Variants in RBMS3 observed in about 807,000 individuals in gnomAD.
RBMS3 encodes the protein RNA binding motif single stranded interacting protein 3.
Under a neutral mutation model 66.8 loss-of-function variants are expected in RBMS3, and 27 were observed. That is an observed-to-expected ratio of 0.40 (90% CI 0.30 to 0.56). The LOEUF is 0.56. Ranked by LOEUF, RBMS3 falls within the 20% of genes least tolerant of loss-of-function variation. The probability of loss-of-function intolerance (pLI) is 0.40; values close to 1 mark genes in which losing one functional copy is unlikely to be tolerated. For missense variants in RBMS3, 513 were observed against 549.5 expected, an observed-to-expected ratio of 0.93 and a Z score of 0.66; for synonymous variants, 188 against 183.0, an observed-to-expected ratio of 1.03 and a Z score of -0.22.
chr3:29,662,098 T>C (rs190829296), intron 4 of RBMS3, among the ~76,000 whole-genome samples: 2 of 152,308 alleles, frequency 1.3e-5, no homozygotes, highest in East Asian at 3.9e-4. Context: ...GGAGGAAAAA[T>C]AGTCTGTACT....
intron 1 of RBMS3, among the ~76,000 whole-genome samples, chr3:29,401,999 G>A (rs1048621622): frequency 5.3e-5 from 8 of 152,026 alleles, no homozygotes; most frequent in Admixed American, 2.0e-4. Flanking sequence ...TGCCGATACT[G>A]TAATTTAGAT....
intron 2 of RBMS3, among the ~76,000 whole-genome samples, chr3:29,459,589 A>G (rs946237984): frequency 6.6e-6 from 1 of 152,188 alleles, no homozygotes; most frequent in Non-Finnish European, 1.5e-5. Context: ...AAAACTTGCT[A>G]ATCATCAGCT....
At chr3:29,390,971 T>C (rs62235725) in intron 1 of RBMS3, 39,091 of 265,570 alleles carry the variant, frequency 0.15, 3,308 homozygotes, top group Non-Finnish European at 0.18. Context: ...GTCACAGTCT[T>C]AGACAAAAGC....
intron 4 of RBMS3, among the ~76,000 whole-genome samples, chr3:29,726,235 A>C (rs1441616632): frequency 6.6e-6 from 1 of 152,126 alleles, no homozygotes; most frequent in African/African-American, 2.4e-5. Flanking sequence ...ATTTATGACA[A>C]ACCCGTAGCC....
rs180965918 is a variant in RBMS3 at position 29,676,263 on chromosome 3, C to T, written c.400-63457C>T. Among the ~76,000 whole-genome samples, 383 of 151,956 alleles carry T rather than the reference C, an allele frequency of 2.5e-3. 3 individuals are homozygous for T. The highest frequency in any genetic ancestry group is 8.6e-3 in the African/African-American group (356 of 41,430). On this transcript the variant is annotated intron_variant, in intron 4 of 14. Coordinates refer to ENST00000383767, the MANE Select transcript of RBMS3 (RefSeq NM_001003793.3). ...ACACAGGGTGGGGAGCATCACATAC[C>T]GGGGCCTGTCGTGGAGTGGGGGAAG...
At chr3:29,515,933 A>G (rs1037982242) in intron 3 of RBMS3, among the ~76,000 whole-genome samples, 1 of 152,196 alleles carries the variant, frequency 6.6e-6, no homozygotes, top group African/African-American at 2.4e-5. Flanking sequence ...TAGTTTTTAT[A>G]CCTAGGCACA....
chr3:29,638,979 A>C (rs1184726568), intron 4 of RBMS3, among the ~76,000 whole-genome samples: 3 of 151,854 alleles, frequency 2.0e-5, no homozygotes, highest in African/African-American at 7.3e-5. Context: ...TGTGAATCAT[A>C]ATAATCCTTT....
chr3:29,925,658 A>T (rs1488820714), intron 10 of RBMS3, among the ~76,000 whole-genome samples: 1 of 152,162 alleles, frequency 6.6e-6, no homozygotes, highest in African/African-American at 2.4e-5. Flanking sequence ...TGTAATAGAA[A>T]ATTCACTCAG....
intron 5 of RBMS3, among the ~76,000 whole-genome samples, chr3:29,759,798 T>A (rs2055585194): frequency 2.0e-5 from 3 of 152,102 alleles, no homozygotes; most frequent in Non-Finnish European, 4.4e-5. Flanking sequence ...CCTTTTCCCC[T>A]TGGCAGCTCC....
intron 2 of RBMS3, among the ~76,000 whole-genome samples, chr3:29,439,245 G>C (rs1398447028): frequency 6.6e-6 from 1 of 152,052 alleles, no homozygotes; most frequent in Non-Finnish European, 1.5e-5. Flanking sequence ...GAACAATGGA[G>C]GAAATCATTG....
chr3:29,799,411 C>T (rs1305898239), intron 6 of RBMS3, among the ~76,000 whole-genome samples: 1 of 152,112 alleles, frequency 6.6e-6, no homozygotes, highest in African/African-American at 2.4e-5. Context: ...TAAACATTCC[C>T]TACAACTTTT....
intron 1 of RBMS3, among the ~76,000 whole-genome samples, chr3:29,430,628 G>A (rs889355815): frequency 6.6e-6 from 1 of 152,156 alleles, no homozygotes; most frequent in East Asian, 1.9e-4. Flanking sequence ...AGAGCCCTAG[G>A]GGGGAAAAGA....
intron 1 of RBMS3, among the ~76,000 whole-genome samples, chr3:29,282,461 G>A (rs2031889684): frequency 6.6e-6 from 1 of 152,046 alleles, no homozygotes; most frequent in Non-Finnish European, 1.5e-5. Context: ...GACTTGAATT[G>A]GTTAAATACT....
At chr3:29,976,345 T>C (rs1183820176) in intron 12 of RBMS3, among the ~76,000 whole-genome samples, 1 of 152,106 alleles carries the variant, frequency 6.6e-6, no homozygotes, top group Non-Finnish European at 1.5e-5. Flanking sequence ...TATATCCTGC[T>C]CTGTATTCAC....
intron 2 of RBMS3, among the ~76,000 whole-genome samples, chr3:29,445,182 C>G (rs2041778826): frequency 6.6e-6 from 1 of 151,810 alleles, no homozygotes; most frequent in Non-Finnish European, 1.5e-5. Context: ...AAAACTTGTT[C>G]TAAGGTAGAG....
intron 1 of RBMS3, among the ~76,000 whole-genome samples, chr3:29,416,985 G>C (rs990874713): frequency 6.6e-6 from 1 of 152,060 alleles, no homozygotes; most frequent in African/African-American, 2.4e-5. Flanking sequence ...AGAAAAAAAA[G>C]TGCCTATCAG....
At chr3:29,549,423 G>A (rs1414919489) in intron 3 of RBMS3, among the ~76,000 whole-genome samples, 6 of 146,446 alleles carry the variant, frequency 4.1e-5, no homozygotes, top group Non-Finnish European at 6.0e-5. Context: ...TTTCTGAGAC[G>A]GAATCTCACT....
intron 4 of RBMS3, among the ~76,000 whole-genome samples, chr3:29,622,148 A>T (rs1033044270): frequency 6.6e-6 from 1 of 152,216 alleles, no homozygotes; most frequent in East Asian, 1.9e-4. Context: ...ACAAATATTT[A>T]TTATAATTTA....
intron 4 of RBMS3, among the ~76,000 whole-genome samples, chr3:29,622,657 G>A (rs1448710893): frequency 6.6e-6 from 1 of 152,182 alleles, no homozygotes; most frequent in Non-Finnish European, 1.5e-5. Context: ...TGAATAGTAA[G>A]TGCCATAAAA....
Sources: allele counts gnomAD v4.1 joint callset (sites outside exome capture counted in the v4.1 genomes callset), GRCh38; gene constraint gnomAD v4.1.1; transcripts MANE v1.5; gene names NCBI Gene and HGNC (gene_info 2026-07-23, HGNC 2026-07-21).